RAF1: variants seen among roughly 807,000 people sequenced by gnomAD.
RAF1 encodes the protein RAF proto-oncogene serine/threonine-protein kinase.
A neutral mutation model predicts 81.1 loss-of-function variants in RAF1; 27 were observed. That is an observed-to-expected ratio of 0.33 (90% CI 0.25 to 0.46). The LOEUF (loss-of-function observed/expected upper bound fraction) is 0.46, where lower values mean the gene tolerates loss of function less well. RAF1 is among the 20% of genes least tolerant of loss of function. The pLI, the probability that RAF1 is intolerant of heterozygous loss-of-function variation, is 1.00. For missense variants in RAF1, 598 were observed against 826.0 expected, an observed-to-expected ratio of 0.72 and a Z score of 3.38; for synonymous variants, 298 against 294.0, an observed-to-expected ratio of 1.01 and a Z score of -0.14.
At chr3:12,617,116 T>C (rs1411483594) in intron 2 of RAF1, among the ~76,000 whole-genome samples, 1 of 151,796 alleles carries the variant, frequency 6.6e-6, no homozygotes, top group African/African-American at 2.4e-5. Flanking sequence ...TACATTTTTG[T>C]TGTTATTTCT....
At chr3:12,655,007 C>CCA (rs937832088) in intron 1 of RAF1, among the ~76,000 whole-genome samples, 4 of 148,446 alleles carry the variant, frequency 2.7e-5, no homozygotes, top group Non-Finnish European at 6.0e-5. Flanking sequence ...GAGACCCCCC[C>CCA]CCCGCCATCT....
In RAF1 at chr3:12,612,466, T is replaced by C. The variant is rs192414042; in HGVS notation, c.208-404A>G. Among the ~76,000 whole-genome samples, 646 of 151,990 alleles carry C rather than the reference T, an allele frequency of 4.3e-3. 4 individuals carry two copies. Among genetic ancestry groups the C allele is most frequent in the African/African-American group, 0.015 (612 of 41,440 alleles). On this transcript the variant is annotated intron_variant, in intron 2 of 17. Coordinates refer to ENST00000442415, the MANE Select transcript of RAF1 (RefSeq NM_001354689.3). The stretch of plus-strand genomic sequence containing the variant: ...GAGTACGAGACCAGCCTGGCCAACA[T>C]GGTGAAACCCCGTCTCTACTAAAAA...
rs5746234 is a variant in RAF1, at chr3:12,591,912, C to T, written c.1169-120G>A. On this transcript the variant is annotated intron_variant, in intron 11 of 17. Coordinates refer to ENST00000442415, the MANE Select transcript of RAF1 (RefSeq NM_001354689.3). ...AAAGAATCACATACCTACACAGATA[C>T]GGCAAATTTCCAATTTTTTTTTTTT... The T allele has an allele frequency of 4.6e-3, 3,668 of 802,240 alleles. 75 individuals are homozygous for T. The African/African-American group carries it at 0.048, about 11-fold the overall frequency. The allele number at this position is 802,240 out of a possible 1,614,324, so 49.7% of individuals were successfully genotyped here. A position where few individuals can be genotyped will look rare whatever the true frequency, so the allele number is the denominator to read the frequency against.
In RAF1 at chr3:12,609,265, G is replaced by A. The variant is rs878854566; in HGVS notation, c.391C>T (p.Leu131=). The A allele has an allele frequency of 3.1e-6, 5 of 1,613,118 alleles. No homozygotes were observed. Among genetic ancestry groups the A allele is most frequent in the Admixed American group, 3.3e-5 (2 of 59,990 alleles). The change falls in exon 4 of 18, where the codon CTG becomes TTG. Residue 131 remains leucine (L), a synonymous_variant. Transcript: ENST00000442415. Reference sequence around the variant, plus strand: ...TGTGTTGTGAGGGGAACATGATCCAGGAAATCTACTTGAAGTTCTTCTCCA... The same window carrying A: ...TGTGTTGTGAGGGGAACATGATCCAAGAAATCTACTTGAAGTTCTTCTCCA...
At chr3:12,607,172 T>TTA (rs1221638093) in intron 5 of RAF1, among the ~76,000 whole-genome samples, 7 of 152,072 alleles carry the variant, frequency 4.6e-5, no homozygotes, top group African/African-American at 1.7e-4. Flanking sequence ...AGTGAGTAAT[T>TTA]AGGCACCTTT....
rs968072296 is a variant in RAF1, at chr3:12,643,418, C to T, written c.-27+20395G>A. 3.3e-5 allele frequency among the ~76,000 whole-genome samples: 5 copies of T among 152,232 alleles called. No homozygotes were observed. The East Asian group carries it at 7.7e-4, about 24-fold the overall frequency. On this transcript the variant is annotated intron_variant, in intron 1 of 17. Coordinates refer to ENST00000442415, the MANE Select transcript of RAF1 (RefSeq NM_001354689.3). ...GAAAAGAGTAACTATAGGGGCCATA[C>T]TATATTTGCCAAAAAGTGACTTGTT... is the stretch of plus-strand genomic sequence containing the variant.
rs71063856 is a variant in RAF1 at position 12,642,671 on chromosome 3, TACACACACACACACACACAC to T, written c.-27+21122_-27+21141del. On this transcript the variant is annotated intron_variant, in intron 1 of 17. Coordinates refer to ENST00000442415, the MANE Select transcript of RAF1 (RefSeq NM_001354689.3). Reference sequence around the variant, plus strand: ...AGACAACACAGGGAGACACCATCTCTACACACACACACACACACACACACACACACACACACACACACACA... The same window carrying T: ...AGACAACACAGGGAGACACCATCTCTACACACACACACACACACACACACA... 7.0e-3 allele frequency among the ~76,000 whole-genome samples: 821 copies of T among 117,062 alleles called. 5 individuals carry two copies. Among genetic ancestry groups the T allele is most frequent in the Middle Eastern group, 0.039 (9 of 230 alleles). The allele number at this position is 117,062 out of a possible 152,430, so 76.8% of individuals were successfully genotyped here.
intron 11 of RAF1, among the ~76,000 whole-genome samples, chr3:12,597,818 G>A (rs1481459304): frequency 6.6e-6 from 1 of 151,786 alleles, no homozygotes; most frequent in African/African-American, 2.4e-5. Context: ...GGGAGGCTGA[G>A]GCAGGAGGAT....
chr3:12,600,832 G>A (rs956538518), intron 8 of RAF1, among the ~76,000 whole-genome samples: 1 of 152,230 alleles, frequency 6.6e-6, no homozygotes, highest in Non-Finnish European at 1.5e-5. Context: ...AAAGTGCTGG[G>A]ATTACAGGCG....
intron 1 of RAF1, among the ~76,000 whole-genome samples, chr3:12,620,143 T>TTTCTA (rs937645776): frequency 6.6e-6 from 1 of 152,162 alleles, no homozygotes; most frequent in African/African-American, 2.4e-5. Flanking sequence ...AAGATTTTCT[T>TTTCTA]TTCTTTTCTT....
At position 12,586,267 on chromosome 3, in the gene RAF1, T is replaced by C. The variant is rs2058329594; in HGVS notation, c.1478-468A>G. Among the ~76,000 whole-genome samples, 9 of 152,188 alleles carry C rather than the reference T, an allele frequency of 5.9e-5. No homozygotes were observed. In the South Asian group the frequency reaches 1.7e-3, roughly 28 times the overall value. Reference sequence around the variant, plus strand: ...CTTGAGTGGTTAACAAAATAGCAAATCCCTTACTGAGTGTTCAATGTTGTA... The same window carrying C: ...CTTGAGTGGTTAACAAAATAGCAAACCCCTTACTGAGTGTTCAATGTTGTA... On this transcript the variant is annotated intron_variant, in intron 14 of 17. Coordinates refer to ENST00000442415, the MANE Select transcript of RAF1 (RefSeq NM_001354689.3).
chr3:12,625,409 C>T (rs1446702110), intron 1 of RAF1, among the ~76,000 whole-genome samples: 1 of 152,138 alleles, frequency 6.6e-6, no homozygotes, highest in Non-Finnish European at 1.5e-5. Flanking sequence ...AAAGGCAAAA[C>T]ATCTAGCACA....
At chr3:12,640,665 T>A (rs1254872895) in intron 1 of RAF1, among the ~76,000 whole-genome samples, 1 of 152,066 alleles carries the variant, frequency 6.6e-6, no homozygotes, top group South Asian at 2.1e-4. Flanking sequence ...CACAATGACA[T>A]ACCATCTCAC....
At chr3:12,591,279 A>G (rs1054609376) in intron 12 of RAF1, among the ~76,000 whole-genome samples, 6 of 152,168 alleles carry the variant, frequency 3.9e-5, no homozygotes, top group Non-Finnish European at 7.3e-5. Context: ...TCCTTGTAGA[A>G]GTCTCCATTA....
At position 12,663,882 on chromosome 3, in the gene RAF1, G is replaced by C. The variant is rs903026458; in HGVS notation, c.-96C>G. On this transcript the variant is annotated 5_prime_UTR_variant, in exon 1 of 18. Transcript: ENST00000442415. Reference sequence around the variant, plus strand: ...CTTCTCGCCCGCTCCTCCTCCCCGCGGCGGGTGAGGGAGCGGGAGGCGGTC... The same window carrying C: ...CTTCTCGCCCGCTCCTCCTCCCCGCCGCGGGTGAGGGAGCGGGAGGCGGTC... The C allele has an allele frequency of 1.2e-4, 46 of 397,966 alleles. No homozygotes were observed. Among genetic ancestry groups the C allele is most frequent in the Non-Finnish European group, 2.0e-4 (45 of 225,698 alleles). The allele number at this position is 397,966 out of a possible 1,614,324, so 24.7% of individuals were successfully genotyped here.
Position 12,601,330 on chromosome 3 carries a change from A to C in RAF1, c.895-915T>G, listed in dbSNP as rs142523035. 4.7e-3 allele frequency among the ~76,000 whole-genome samples: 715 copies of C among 152,348 alleles called. 7 individuals are homozygous for C. The highest frequency in any genetic ancestry group is 0.016 in the African/African-American group (663 of 41,574). On this transcript the variant is annotated intron_variant, in intron 8 of 17. Transcript: ENST00000442415. ...CTCAGCCCTCAGCTCTTTCACCACA[A>C]AACACTGCCTTATGGGTAAATTTGG...
intron 1 of RAF1, 57 bp from the exon 2 acceptor site, chr3:12,618,804 A>G (rs2059457708): frequency 7.7e-7 from 1 of 1,290,728 alleles, no homozygotes; most frequent in Non-Finnish European, 1.1e-6. Flanking sequence ...ACCCAAGAAC[A>G]CAATACATAA....
chr3:12,586,412 T>A (rs916251571), intron 14 of RAF1, among the ~76,000 whole-genome samples: 10 of 151,776 alleles, frequency 6.6e-5, no homozygotes, highest in Non-Finnish European at 1.2e-4. Flanking sequence ...GAAAAAAAAA[T>A]TAAAAAAGAA....
intron 11 of RAF1, among the ~76,000 whole-genome samples, chr3:12,593,926 T>C (rs1257530025): frequency 5.9e-5 from 9 of 152,124 alleles, no homozygotes; most frequent in Middle Eastern, 3.4e-3. Context: ...GTAAATCTCT[T>C]TTCAAAGAGA....
Sources: gnomAD v4.1 joint callset for allele counts (sites outside exome capture counted in the v4.1 genomes callset) on GRCh38, gnomAD v4.1.1 for gene constraint, MANE v1.5 for transcripts, NCBI Gene and HGNC (gene_info 2026-07-23, HGNC 2026-07-21) for gene names.